The following UGT1A6 variants were observed in gnomAD, a reference collection of about 807,000 sequenced individuals.
UGT1A6 encodes the protein UDP glucuronosyltransferase family 1 member A6.
In UGT1A6, 32 loss-of-function variants were observed where a neutral mutation model predicts 44.4. That is an observed-to-expected ratio of 0.72 (90% CI 0.54 to 0.97). The LOEUF (loss-of-function observed/expected upper bound fraction) is 0.97. UGT1A6 is among the 50% of genes least tolerant of loss of function. UGT1A6 has a pLI of 0.00. For missense variants in UGT1A6, 685 were observed against 661.9 expected, an observed-to-expected ratio of 1.03 and a Z score of -0.38; for synonymous variants, 238 against 248.5, an observed-to-expected ratio of 0.96 and a Z score of 0.40.
In UGT1A6 at chr2:233,755,096, G is replaced by A. The variant is rs62191920; in HGVS notation, c.862-11938G>A. On this transcript the variant is annotated intron_variant, in intron 1 of 4. Transcript: ENST00000305139. ...GGTCATAGATATCGCGTTTCTACGC[G>A]TCCGACAACACCTCGTAGGCCTCAG... 3.7e-6 allele frequency: 5 copies of A among 1,334,470 alleles called. No individual in the cohort carries two copies. The Admixed American group carries it at 7.6e-5, about 20-fold the overall frequency. 82.7% of individuals were successfully genotyped at this position (1,334,470 alleles called of 1,614,324 possible).
At chr2:233,721,199 C>A (rs1012504962) in intron 1 of UGT1A6, among the ~76,000 whole-genome samples, 1 of 152,106 alleles carries the variant, frequency 6.6e-6, no homozygotes, top group Non-Finnish European at 1.5e-5. Flanking sequence ...ATTTGTTCTA[C>A]TGGTTTTCTT....
intron 1 of UGT1A6, chr2:233,717,750 C>A (rs1480430133): frequency 6.6e-6 from 3 of 456,544 alleles, no homozygotes; most frequent in East Asian, 1.4e-4. Context: ...AGGGTCTCCC[C>A]CTAGAAAGGC....
chr2:233,743,385 C>T, intron 1 of UGT1A6: 1 of 1,211,156 alleles, frequency 8.3e-7, no homozygotes, highest in Non-Finnish European at 1.1e-6. Flanking sequence ...TACCGTAGGA[C>T]ATGCAGAAGG....
intron 1 of UGT1A6, among the ~76,000 whole-genome samples, chr2:233,738,018 T>C (rs11902624): frequency 0.019 from 2,936 of 152,240 alleles, 43 homozygotes; most frequent in African/African-American, 0.03. Flanking sequence ...TCTTGAATTG[T>C]AATCCCCATA....
At chr2:233,757,560 A>ATG (rs199649558) in intron 1 of UGT1A6, among the ~76,000 whole-genome samples, 16 of 123,134 alleles carry the variant, frequency 1.3e-4, no homozygotes, top group African/African-American at 3.4e-4. Context: ...ATATATATAT[A>ATG]TGTATATATG....
At position 233,747,957 on chromosome 2, in the gene UGT1A6, C is replaced by G. The variant is rs113780348; in HGVS notation, c.862-19077C>G. On this transcript the variant is annotated intron_variant, in intron 1 of 4. Transcript: ENST00000305139. Reference sequence around the variant, plus strand: ...GAGGGAGGTGTCAGTGGTGGATCTTCTCAGCCATGCATCTGTGTGGCTGTT... The same window carrying G: ...GAGGGAGGTGTCAGTGGTGGATCTTGTCAGCCATGCATCTGTGTGGCTGTT... 1,995 of 1,613,432 alleles carry G rather than the reference C, an allele frequency of 1.2e-3. 66 individuals carry two copies. The African/African-American group carries it at 0.02, about 16-fold the overall frequency.
chr2:233,718,910 G>T (rs760663679), intron 1 of UGT1A6: 2 of 1,614,074 alleles, frequency 1.2e-6, no homozygotes, highest in East Asian at 4.5e-5. Context: ...AGAGTGGAAA[G>T]GTGTTGGTGG....
chr2:233,734,192 C>T (rs7567468), intron 1 of UGT1A6, among the ~76,000 whole-genome samples: 44,730 of 151,966 alleles, frequency 0.29, 6,702 homozygotes, highest in South Asian at 0.39. Context: ...ATTATTGCCT[C>T]AATTTCAGAG....
chr2:233,753,153 C>A (rs1198607979), intron 1 of UGT1A6: 1 of 152,212 alleles, frequency 6.6e-6, no homozygotes, highest in Non-Finnish European at 1.5e-5. Context: ...CATGTAAGTT[C>A]CCTTATCCGG....
chr2:233,735,427 T>C (rs2078650919), intron 1 of UGT1A6, among the ~76,000 whole-genome samples: 1 of 152,212 alleles, frequency 6.6e-6, no homozygotes, highest in Non-Finnish European at 1.5e-5. Context: ...ATAGGCCTCC[T>C]GAATACAGCA....
chr2:233,714,744 A>G (rs988527587), intron 1 of UGT1A6, among the ~76,000 whole-genome samples: 3 of 152,232 alleles, frequency 2.0e-5, no homozygotes, highest in Non-Finnish European at 4.4e-5. Flanking sequence ...AATCTAGCAT[A>G]TATTTGACAC....
At position 233,747,376 on chromosome 2, in the gene UGT1A6, G is replaced by A. The variant is rs1236630048; in HGVS notation, c.862-19658G>A. On this transcript the variant is annotated intron_variant, in intron 1 of 4. Transcript: ENST00000305139. The stretch of plus-strand genomic sequence containing the variant: ...GCCGTGCGGGAGCTCCATGCCAGAG[G>A]CCACCAGGCGGTGGTCCTCACCCCA... 3 of 1,604,666 alleles carry A rather than the reference G, an allele frequency of 1.9e-6. No individual in the cohort carries two copies. The African/African-American group carries it at 4.0e-5, about 22-fold the overall frequency.
chr2:233,730,335 A>G (rs923497245), intron 1 of UGT1A6, among the ~76,000 whole-genome samples: 1 of 152,192 alleles, frequency 6.6e-6, no homozygotes, highest in Non-Finnish European at 1.5e-5. Flanking sequence ...CTACGTTTGG[A>G]ACTGATCCAT....
At chr2:233,713,253 G>T in intron 1 of UGT1A6, 1 of 1,614,226 alleles carries the variant, frequency 6.2e-7, no homozygotes, top group Non-Finnish European at 8.5e-7. Flanking sequence ...GACCCAGGAC[G>T]AATTTGATCG....
chr2:233,721,727 T>TA, intron 1 of UGT1A6: 1 of 404,726 alleles, frequency 2.5e-6, no homozygotes, highest in South Asian at 1.9e-5. Flanking sequence ...TTTACTTGGA[T>TA]AAGCTTAATG....
chr2:233,719,218 A>G, intron 1 of UGT1A6: 2 of 1,614,250 alleles, frequency 1.2e-6, no homozygotes, highest in Non-Finnish European at 1.7e-6. Context: ...GAGCTACTGC[A>G]TAATGAGGCC....
At chr2:233,729,260 G>A (rs774974731) in intron 1 of UGT1A6, 12 of 1,613,974 alleles carry the variant, frequency 7.4e-6, no homozygotes, top group East Asian at 4.5e-5. Context: ...CTCAGCATGC[G>A]GGAGGTCTTG....
chr2:233,707,721 T>C (rs2075983145), intron 1 of UGT1A6, among the ~76,000 whole-genome samples: 1 of 152,222 alleles, frequency 6.6e-6, no homozygotes, highest in Non-Finnish European at 1.5e-5. Context: ...CTGTGAACAA[T>C]GTTACAACGA....
chr2:233,710,097 A>G (rs530644848), intron 1 of UGT1A6, among the ~76,000 whole-genome samples: 1 of 152,334 alleles, frequency 6.6e-6, no homozygotes, highest in South Asian at 2.1e-4. Flanking sequence ...TGCATGTATC[A>G]ATATTTCATT....
Sources: gnomAD v4.1 joint callset for allele counts (sites outside exome capture counted in the v4.1 genomes callset) on GRCh38, gnomAD v4.1.1 for gene constraint, MANE v1.5 for transcripts, NCBI Gene and HGNC (gene_info 2026-07-23, HGNC 2026-07-21) for gene names.